EPS8: variants seen among roughly 807,000 people sequenced by gnomAD.
The protein encoded by EPS8 is EGFR pathway substrate 8, signaling adaptor.
A neutral mutation model predicts 103.8 loss-of-function variants in EPS8; 42 were observed. The observed-to-expected ratio is 0.40, with a 90% CI of 0.32 to 0.52. EPS8 has a LOEUF of 0.52. Ranked by LOEUF, EPS8 falls within the 20% of genes least tolerant of loss-of-function variation. EPS8 has a pLI of 0.40. For missense variants in EPS8, 969 were observed against 1,005.1 expected (o/e 0.96, Z 0.49); for synonymous variants, 344 against 344.6 (o/e 1.00, Z 0.02).
At chr12:15,679,823 ATCATGG>A in intron 3 of EPS8, among the ~76,000 whole-genome samples, 1 of 152,344 alleles carries the variant, frequency 6.6e-6, no homozygotes, top group African/African-American at 2.4e-5. Flanking sequence ...GACTATGAAG[ATCATGG>A]CATAGCATAC....
chr12:15,720,750 T>C (rs112892995), intron 1 of EPS8, among the ~76,000 whole-genome samples: 1 of 152,200 alleles, frequency 6.6e-6, no homozygotes, highest in Non-Finnish European at 1.5e-5. Context: ...CCTTCTTCTA[T>C]GACCTCCTTG....
At position 15,734,337 on chromosome 12, in the gene EPS8, C is replaced by T. The variant is rs373956380; in HGVS notation, c.-21-51365G>A. ...TATTCAGAAACAACATATAAGATGG[C>T]CCTGTTTTACTACTGTTCCAGGGGC... is the stretch of plus-strand genomic sequence containing the variant. On this transcript the variant is annotated intron_variant, in intron 1 of 20. Coordinates refer to ENST00000281172, the MANE Select transcript of EPS8 (RefSeq NM_004447.6). This position sits in a 1 kb window ranked among gnomAD's most constrained non-coding sequence, Gnocchi z 4.1. 2.6e-5 allele frequency among the ~76,000 whole-genome samples: 4 copies of T among 152,110 alleles called. No homozygotes were observed. Among genetic ancestry groups the T allele is most frequent in the African/African-American group, 4.8e-5 (2 of 41,424 alleles).
Position 15,717,257 on chromosome 12 carries a change from T to C in EPS8, c.-21-34285A>G, listed in dbSNP as rs531694285. On this transcript the variant is annotated intron_variant, in intron 1 of 20. Coordinates refer to ENST00000281172, the MANE Select transcript of EPS8 (RefSeq NM_004447.6). This position sits in a 1 kb window ranked among gnomAD's most constrained non-coding sequence, Gnocchi z 4.3. ...ATGAGTCAGTATGGGTTGAAGCTAT[T>C]GTTTGGCTGTAGAGCTAGGATTAAA... Among the ~76,000 whole-genome samples, 1 of 152,136 alleles carries C rather than the reference T, an allele frequency of 6.6e-6. No homozygotes were observed. The highest frequency in any genetic ancestry group is 2.1e-4 in the South Asian group (1 of 4,828).
chr12:15,719,483 C>T (rs1470547968), intron 1 of EPS8, among the ~76,000 whole-genome samples: 7 of 152,112 alleles, frequency 4.6e-5, no homozygotes, highest in Non-Finnish European at 1.0e-4. Context: ...TCAGACAAGC[C>T]GTGTCAGTGA....
chr12:15,722,345 A>T (rs1946606427), intron 1 of EPS8, among the ~76,000 whole-genome samples: 1 of 152,108 alleles, frequency 6.6e-6, no homozygotes, highest in African/African-American at 2.4e-5. Flanking sequence ...AAATTATGTA[A>T]CTAATCTTTC....
intron 20 of EPS8, among the ~76,000 whole-genome samples, chr12:15,622,153 C>T (rs1944871205): frequency 6.6e-6 from 1 of 152,140 alleles, no homozygotes; most frequent in African/African-American, 2.4e-5. Context: ...AGGAATATGG[C>T]ATTTTCTAAC....
rs956488455 is a variant in EPS8, at chr12:15,748,902, T to C, written c.-22+40259A>G. 6.6e-6 allele frequency among the ~76,000 whole-genome samples: 1 copy of C among 152,192 alleles called. No individual in the cohort carries two copies. The highest frequency in any genetic ancestry group is 1.5e-5 in the Non-Finnish European group (1 of 68,018). The stretch of plus-strand genomic sequence containing the variant: ...AACTTTGACACTTGCTAATCCAGAA[T>C]ATAAAACGTATAGTCTTCTCTTCCT... On this transcript the variant is annotated intron_variant, in intron 1 of 20. Coordinates refer to ENST00000281172, the MANE Select transcript of EPS8 (RefSeq NM_004447.6). This position sits in a 1 kb window ranked among gnomAD's most constrained non-coding sequence, Gnocchi z 4.8.
rs377134966 is a variant in EPS8 at position 15,757,659 on chromosome 12, A to C, written c.-22+31502T>G. On this transcript the variant is annotated intron_variant, in intron 1 of 20. Transcript: ENST00000281172. This position sits in a 1 kb window ranked among gnomAD's most constrained non-coding sequence, Gnocchi z 4.1. ...AAAAAAAAGAAAAAGAAAAAGAAAA[A>C]GATGAAGTGGCCACCACTTAAGTGA... Among the ~76,000 whole-genome samples, 32 of 152,136 alleles carry C rather than the reference A, an allele frequency of 2.1e-4. 1 individual carries two copies. The East Asian group carries it at 4.4e-3, about 21-fold the overall frequency.
Position 15,631,461 on chromosome 12 carries a change from G to T in EPS8, c.2025C>A (p.His675Gln), listed in dbSNP as rs1945043860. 3.1e-6 allele frequency: 5 copies of T among 1,613,900 alleles called. No individual in the cohort carries two copies. The highest frequency in any genetic ancestry group is 4.2e-6 in the Non-Finnish European group (5 of 1,179,948). ...ACTTACGGTCCACCGGAAGTTGTTTGTGTCTCTGGCTGTCTCGCACGATAC... is the reference window on the plus strand; with the variant it reads ...ACTTACGGTCCACCGGAAGTTGTTTTTGTCTCTGGCTGTCTCGCACGATAC... The part of the protein sequence containing the change: ...GGSIVRDSQR[H>Q]KQLPVDRRKS... The change falls in exon 18 of 21, where the codon CAC becomes CAA. Residue 675 changes from histidine to glutamine, a missense_variant. Physicochemically the swap from His to Gln is conservative, Grantham distance 24 (BLOSUM62 0). Coordinates refer to ENST00000281172, the MANE Select transcript of EPS8 (RefSeq NM_004447.6).
chr12:15,679,567 G>A (rs190602341), intron 3 of EPS8, among the ~76,000 whole-genome samples: 11 of 152,268 alleles, frequency 7.2e-5, no homozygotes, highest in Admixed American at 6.5e-4. Flanking sequence ...ACTGTCTGTA[G>A]CATCCTCCGA....
intron 12 of EPS8, among the ~76,000 whole-genome samples, chr12:15,656,375 G>A (rs753363482): frequency 6.6e-6 from 1 of 152,158 alleles, no homozygotes; most frequent in African/African-American, 2.4e-5. Flanking sequence ...GTAGAAATCT[G>A]ATGCTCCATA....
At position 15,751,652 on chromosome 12, in the gene EPS8, A is replaced by G. The variant is rs7312921; in HGVS notation, c.-22+37509T>C. Among the ~76,000 whole-genome samples the G allele has an allele frequency of 0.012, 1,824 of 152,180 alleles. 38 individuals are homozygous for G. Among genetic ancestry groups the G allele is most frequent in the African/African-American group, 0.036 (1,512 of 41,480 alleles). ...AGGGGGCAAGATTTTTTGCCTTTAC[A>G]AAGGTCACAACCTAGTGAATGAAAG... On this transcript the variant is annotated intron_variant, in intron 1 of 20. Transcript: ENST00000281172. The surrounding 1 kb of genome is among the most constrained non-coding windows in gnomAD (Gnocchi z 4.3).
intron 3 of EPS8, 79 bp from the exon 4 acceptor site, chr12:15,671,002 T>C: frequency 1.0e-6 from 1 of 993,416 alleles, no homozygotes; most frequent in Non-Finnish European, 1.6e-6. Flanking sequence ...TGGCTATCTC[T>C]AAAACTAGTC....
chr12:15,719,846 T>A (rs1007612911), intron 1 of EPS8, among the ~76,000 whole-genome samples: 1 of 152,248 alleles, frequency 6.6e-6, no homozygotes, highest in Non-Finnish European at 1.5e-5. Flanking sequence ...AAAAATGGTA[T>A]CTAATCCCCT....
chr12:15,746,805 C>G (rs1368508567), intron 1 of EPS8, among the ~76,000 whole-genome samples: 2 of 152,214 alleles, frequency 1.3e-5, no homozygotes, highest in South Asian at 4.1e-4. Context: ...CATGGCCCAC[C>G]ATAATTTAGC....
intron 1 of EPS8, among the ~76,000 whole-genome samples, chr12:15,775,920 A>G (rs2136048815): frequency 6.6e-6 from 1 of 152,326 alleles, no homozygotes; most frequent in Non-Finnish European, 1.5e-5. Context: ...ACATTAAGCC[A>G]ATGGGCCTGC....
intron 1 of EPS8, among the ~76,000 whole-genome samples, chr12:15,743,410 T>A (rs1454264377): frequency 6.6e-6 from 1 of 152,142 alleles, no homozygotes; most frequent in African/African-American, 2.4e-5. Context: ...TGGAAAAAAC[T>A]ACTTTAAAGT....
At chr12:15,625,839 C>G (rs1944935497) in intron 18 of EPS8, among the ~76,000 whole-genome samples, 1 of 152,142 alleles carries the variant, frequency 6.6e-6, no homozygotes, top group African/African-American at 2.4e-5. Flanking sequence ...CCATCAATGA[C>G]CACTGTGCTT....
At chr12:15,742,897 G>C (rs1946839621) in intron 1 of EPS8, among the ~76,000 whole-genome samples, 1 of 152,126 alleles carries the variant, frequency 6.6e-6, no homozygotes, top group South Asian at 2.1e-4. Context: ...GCATAGTGTT[G>C]AAAGTTCTGG....
Sources: gnomAD v4.1 joint callset for allele counts (sites outside exome capture counted in the v4.1 genomes callset) on GRCh38, gnomAD v4.1.1 for gene constraint, Gnocchi (gnomAD v3.1) non-coding constraint, MANE v1.5 for transcripts, NCBI Gene and HGNC (gene_info 2026-07-23, HGNC 2026-07-21) for gene names.